ELAC1: variants seen among roughly 807,000 people sequenced by gnomAD.
ELAC1 encodes zinc phosphodiesterase ELAC protein 1.
In ELAC1, 19 loss-of-function variants were observed where a neutral mutation model predicts 25.8. That is an observed-to-expected ratio of 0.74 (90% confidence interval 0.51 to 1.08). The LOEUF (loss-of-function observed/expected upper bound fraction) is 1.08, where lower values mean the gene tolerates loss of function less well. Among genes scored for constraint, ELAC1 ranks in the 50% least tolerant of loss-of-function variants. The pLI is 0.00. For synonymous variants in ELAC1, 148 were observed against 160.9 expected (o/e 0.92, Z 0.61); for missense variants, 403 against 434.6 (o/e 0.93, Z 0.65).
At chr18:50,980,283 C>G (rs1370921922) in intron 2 of ELAC1, among the ~76,000 whole-genome samples, 2 of 151,934 alleles carry the variant, frequency 1.3e-5, no homozygotes, top group African/African-American at 4.8e-5. Flanking sequence ...GCACTCCAGC[C>G]TGGTGACAGA....
chr18:50,972,074 TGTCC>T (rs1459290335), intron 1 of ELAC1, among the ~76,000 whole-genome samples: 1 of 150,752 alleles, frequency 6.6e-6, no homozygotes, highest in East Asian at 1.9e-4. Context: ...TTTTTTTTCT[TGTCC>T]TTTGACTTTA....
intron 3 of ELAC1, 24 bp from the exon 4 acceptor site, chr18:50,986,595 A>G: frequency 6.5e-7 from 1 of 1,539,606 alleles, no homozygotes; most frequent in Non-Finnish European, 8.9e-7. Context: ...CCTATGATGT[A>G]ATGTTATCTG....
intron 2 of ELAC1, among the ~76,000 whole-genome samples, chr18:50,983,669 C>A (rs536598526): frequency 4.7e-4 from 69 of 146,880 alleles, no homozygotes; most frequent in African/African-American, 1.7e-3. Context: ...GGCAACATAG[C>A]AAGACCTCAT....
chr18:50,984,607 A>G (rs746002126), intron 3 of ELAC1, 44 bp downstream of exon 3: 24 of 1,374,854 alleles, frequency 1.7e-5, no homozygotes, highest in Admixed American at 1.1e-4. Flanking sequence ...CTTCTCATCA[A>G]TAGGGCTCCT....
intron 2 of ELAC1, among the ~76,000 whole-genome samples, chr18:50,977,268 C>G (rs1907818184): frequency 6.6e-6 from 1 of 152,234 alleles, no homozygotes. Flanking sequence ...TTCCACACTG[C>G]CCTAGTAGAG....
At chr18:50,974,165 G>C (rs1907732843) in intron 1 of ELAC1, among the ~76,000 whole-genome samples, 1 of 152,018 alleles carries the variant, frequency 6.6e-6, no homozygotes, top group South Asian at 2.1e-4. Flanking sequence ...TAATTGCCTG[G>C]GTTTGGTTAT....
chr18:50,971,770 T>C (rs1907659119), intron 1 of ELAC1, among the ~76,000 whole-genome samples: 1 of 151,538 alleles, frequency 6.6e-6, no homozygotes, highest in African/African-American at 2.4e-5. Context: ...ACTTAAATTT[T>C]TTAAATAGAT....
At position 50,974,443 on chromosome 18, in the gene ELAC1, A is replaced by G; in HGVS notation, c.39A>G (p.Ala13=). The change falls in exon 2 of 4, where the codon GCA becomes GCG. Residue 13 remains alanine (A), a synonymous_variant. Transcript: ENST00000269466. ...TGACATTCCTGGGGACGGGTGCAGCATACCCATCTCCAACCCGGGGTGCCT... is the reference window on the plus strand; with the variant it reads ...TGACATTCCTGGGGACGGGTGCAGCGTACCCATCTCCAACCCGGGGTGCCT... ...MDVTFLGTGA[A]YPSPTRGASA... The G allele has an allele frequency of 1.3e-6, 2 of 1,587,226 alleles. No individual in the cohort carries two copies. Among genetic ancestry groups the G allele is most frequent in the East Asian group, 2.3e-5 (1 of 44,138 alleles).
intron 2 of ELAC1, among the ~76,000 whole-genome samples, chr18:50,981,843 C>CTTTTTTTCT (rs1555681434): frequency 7.2e-4 from 85 of 117,872 alleles, no homozygotes; most frequent in African/African-American, 2.7e-3. Flanking sequence ...TGCTATAGTT[C>CTTTTTTTCT]TTTTTTTTTT....
At chr18:50,977,667 C>A (rs1375292591) in intron 2 of ELAC1, among the ~76,000 whole-genome samples, 2 of 152,178 alleles carry the variant, frequency 1.3e-5, no homozygotes, top group South Asian at 4.1e-4. Context: ...TAACATTTGG[C>A]TCCTCATTAC....
At position 50,984,492 on chromosome 18, in the gene ELAC1, C is replaced by T. The variant is rs778029447; in HGVS notation, c.554C>T (p.Pro185Leu). Residue 185 changes from proline to leucine, a missense_variant, in exon 3 of 4, where the codon CCC becomes CTC. Pro to Leu is a moderately conservative substitution (Grantham distance 98). Transcript: ENST00000269466. ...GCATTTCGCCTCTTTCACAGAATTCCCTCATTTGGGTTTTCAGTCGTGGAA... is the reference window on the plus strand; with the variant it reads ...GCATTTCGCCTCTTTCACAGAATTCTCTCATTTGGGTTTTCAGTCGTGGAA... ...VKAFRLFHRI[P>L]SFGFSVVEKK... is the part of the protein sequence containing the mutation. The T allele has an allele frequency of 1.2e-6, 2 of 1,614,182 alleles. No individual in the cohort carries two copies. The highest frequency in any genetic ancestry group is 1.3e-5 in the African/African-American group (1 of 75,042).
chr18:50,974,611 C>T (rs1315887547), intron 2 of ELAC1, 50 bp downstream of exon 2: 1 of 1,567,940 alleles, frequency 6.4e-7, no homozygotes, highest in Admixed American at 1.7e-5. Flanking sequence ...TGTTCTGCTT[C>T]ATTTTCTTGG....
Position 50,984,478 on chromosome 18 carries a change from C to T in ELAC1, c.540C>T (p.Leu180=), listed in dbSNP as rs772280856. 12 of 1,614,030 alleles carry T rather than the reference C, an allele frequency of 7.4e-6. No individual in the cohort carries two copies. The highest frequency in any genetic ancestry group is 1.0e-5 in the Non-Finnish European group (12 of 1,180,008). ...AATTTGTTGTAAAAGCATTTCGCCT[C>T]TTTCACAGAATTCCCTCATTTGGGT... ...DEQFVVKAFR[L]FHRIPSFGFS... The change falls in exon 3 of 4, where the codon CTC becomes CTT. Residue 180 remains leucine (L), a synonymous_variant. Transcript: ENST00000269466.
intron 1 of ELAC1, among the ~76,000 whole-genome samples, chr18:50,971,964 G>A (rs1403130825): frequency 8.3e-6 from 1 of 121,168 alleles, no homozygotes; most frequent in African/African-American, 3.5e-5. Context: ...TTTTTCTGTT[G>A]CACAAGTATT....
At chr18:50,974,222 T>G (rs1907733816) in intron 1 of ELAC1, among the ~76,000 whole-genome samples, 175 bp from the exon 2 acceptor site, 1 of 152,256 alleles carries the variant, frequency 6.6e-6, no homozygotes, top group Non-Finnish European at 1.5e-5. Flanking sequence ...TTTGTTAACT[T>G]GTAGTTTTAG....
intron 1 of ELAC1, chr18:50,968,337 G>C (rs972686631): frequency 2.0e-5 from 3 of 152,258 alleles, no homozygotes; most frequent in African/African-American, 7.2e-5. Context: ...GGTCTCGTGG[G>C]GGAGCCTGGG....
chr18:50,984,821 A>C, intron 3 of ELAC1: 1 of 528,230 alleles, frequency 1.9e-6, no homozygotes, highest in Admixed American at 3.5e-5. Context: ...AGTCCCAGCT[A>C]CTTGGGGGGC....
rs959830013 is a variant in ELAC1, at chr18:50,984,765, C to G, written c.625+202C>G. 16 of 589,460 alleles carry G rather than the reference C, an allele frequency of 2.7e-5. No homozygotes were observed. The East Asian group carries it at 4.2e-4, about 15-fold the overall frequency. 36.5% of individuals were successfully genotyped at this position (589,460 alleles called of 1,614,324 possible). On this transcript the variant is annotated intron_variant, in intron 3 of 3. Coordinates refer to ENST00000269466, the MANE Select transcript of ELAC1 (RefSeq NM_018696.3). ...TGGGCAACATGGCGAAACCCCATCT[C>G]TACTAAAAATACAAAAAGTAACTGG...
At chr18:50,982,226 G>A (rs972585232) in intron 2 of ELAC1, among the ~76,000 whole-genome samples, 4 of 152,102 alleles carry the variant, frequency 2.6e-5, no homozygotes, top group Non-Finnish European at 5.9e-5. Context: ...GGAGACGGGG[G>A]AAATGAGGAA....
Sources: gnomAD v4.1 joint callset for allele counts (sites outside exome capture counted in the v4.1 genomes callset) on GRCh38, gnomAD v4.1.1 for gene constraint, MANE v1.5 for transcripts, NCBI Gene and HGNC (gene_info 2026-07-23, HGNC 2026-07-21) for gene names.